The following ARMC2 variants were observed in gnomAD, a reference collection of about 807,000 sequenced individuals.
ARMC2 encodes the protein armadillo repeat-containing protein 2.
ARMC2 carries 67 observed loss-of-function variants against 90.3 expected under a neutral mutation model. That is an observed-to-expected ratio of 0.74 (90% CI 0.61 to 0.91). ARMC2 has a LOEUF of 0.91. Ranked by LOEUF, ARMC2 falls within the 40% of genes least tolerant of loss-of-function variation. The pLI is 0.00. For synonymous variants in ARMC2, 393 were observed against 393.0 expected (o/e 1.00, Z 0.00); for missense variants, 920 against 1,030.9 (o/e 0.89, Z 1.47).
the ARMC2 span, among the ~76,000 whole-genome samples, chr6:108,980,647 T>C: frequency 1.3e-5 from 2 of 152,150 alleles, no homozygotes; most frequent in Non-Finnish European, 2.9e-5. Context: ...ATGGGGGTTT[T>C]ATCTATTAGT....
the ARMC2 span, among the ~76,000 whole-genome samples, chr6:109,013,987 T>A: frequency 6.6e-6 from 1 of 152,040 alleles, no homozygotes; most frequent in Non-Finnish European, 1.5e-5. Context: ...TTTAAACTGA[T>A]CCTCTTATTT....
At chr6:108,939,956 C>G (rs1776296878) in intron 12 of ARMC2, among the ~76,000 whole-genome samples, 1 of 152,180 alleles carries the variant, frequency 6.6e-6, no homozygotes, top group South Asian at 2.1e-4. Flanking sequence ...GACTGTTTGT[C>G]CCACATGTGA....
chr6:109,045,370 CTT>C, the ARMC2 span, among the ~76,000 whole-genome samples: 1 of 152,206 alleles, frequency 6.6e-6, no homozygotes, highest in African/African-American at 2.4e-5. Context: ...CTGGAGAAGT[CTT>C]TCCAAAATGC....
intron 10 of ARMC2, among the ~76,000 whole-genome samples, chr6:108,921,325 T>C (rs1234861524): frequency 6.6e-6 from 1 of 152,150 alleles, no homozygotes; most frequent in Non-Finnish European, 1.5e-5. Context: ...AAATGTTAAA[T>C]AGAGTCTCAA....
chr6:108,902,462 G>A (rs1478164039), intron 7 of ARMC2, among the ~76,000 whole-genome samples: 3 of 152,196 alleles, frequency 2.0e-5, no homozygotes, highest in African/African-American at 4.8e-5. Flanking sequence ...CTTAGGGTTT[G>A]TAAAGAAACT....
chr6:108,863,036 A>G (rs1197333053), intron 3 of ARMC2, among the ~76,000 whole-genome samples: 3 of 152,216 alleles, frequency 2.0e-5, no homozygotes, highest in Admixed American at 6.5e-5. Flanking sequence ...GAGAAGAGGA[A>G]GAGCTGACGC....
chr6:109,048,153 AAC>A, the ARMC2 span, among the ~76,000 whole-genome samples: 2 of 152,302 alleles, frequency 1.3e-5, no homozygotes, highest in Admixed American at 1.3e-4. Context: ...CATTCACTGA[AAC>A]AGTGACAAGA....
At chr6:108,965,993 G>A (rs977995042) in intron 17 of ARMC2, among the ~76,000 whole-genome samples, 2 of 149,976 alleles carry the variant, frequency 1.3e-5, no homozygotes, top group African/African-American at 4.9e-5. Flanking sequence ...ATAATTTTAG[G>A]ATAATTTTTT....
At chr6:108,993,902 G>C in the ARMC2 span, among the ~76,000 whole-genome samples, 1 of 151,894 alleles carries the variant, frequency 6.6e-6, no homozygotes, top group Non-Finnish European at 1.5e-5. Context: ...TTTAACTCTA[G>C]AAGCAATCTT....
At chr6:108,987,074 G>A in the ARMC2 span, 1 of 153,232 alleles carries the variant, frequency 6.5e-6, no homozygotes, top group Non-Finnish European at 1.5e-5. Flanking sequence ...TAGTAGCAAT[G>A]TTCACTTTTA....
At chr6:108,985,227 T>TTAGA in the ARMC2 span, among the ~76,000 whole-genome samples, 19 of 152,188 alleles carry the variant, frequency 1.2e-4, no homozygotes, top group African/African-American at 4.3e-4. Flanking sequence ...AAAATCAATC[T>TTAGA]CATTCTTAGA....
At chr6:108,964,075 C>T (rs149673276) in intron 15 of ARMC2, 105 bp from the exon 16 acceptor site, 17,536 of 1,270,986 alleles carry the variant, frequency 0.014, 142 homozygotes, top group Non-Finnish European at 0.017. Context: ...AACAGGGGTT[C>T]TGGGTTTGCA....
chr6:108,905,548 A>G (rs185563094), intron 8 of ARMC2, among the ~76,000 whole-genome samples: 9 of 152,140 alleles, frequency 5.9e-5, no homozygotes, highest in Non-Finnish European at 8.8e-5. Context: ...GAAAAAAAAA[A>G]AAAGAAAGAA....
the ARMC2 span, among the ~76,000 whole-genome samples, chr6:109,024,805 C>T: frequency 6.6e-6 from 1 of 152,184 alleles, no homozygotes; most frequent in Non-Finnish European, 1.5e-5. Context: ...TTGTGAGTAT[C>T]GTACTACTTT....
At chr6:108,862,233 A>G (rs1271111302) in intron 3 of ARMC2, among the ~76,000 whole-genome samples, 2 of 150,070 alleles carry the variant, frequency 1.3e-5, no homozygotes, top group Non-Finnish European at 3.0e-5. Context: ...AACCCCAGCT[A>G]CTCTGGAGGC....
chr6:109,018,787 T>C, the ARMC2 span, among the ~76,000 whole-genome samples: 1 of 152,230 alleles, frequency 6.6e-6, no homozygotes, highest in Non-Finnish European at 1.5e-5. Flanking sequence ...CTCAAAACCA[T>C]TTATCTAAGT....
intron 10 of ARMC2, among the ~76,000 whole-genome samples, chr6:108,922,186 A>G (rs1365885364): frequency 1.3e-5 from 2 of 152,334 alleles, no homozygotes; most frequent in African/African-American, 4.8e-5. Flanking sequence ...CCACTGCAGT[A>G]GAGAACGCAG....
chr6:108,926,784 T>C (rs564614969), intron 10 of ARMC2, among the ~76,000 whole-genome samples: 2 of 152,250 alleles, frequency 1.3e-5, no homozygotes, highest in South Asian at 4.1e-4. Flanking sequence ...ATTGTTTAGA[T>C]CTATGGAGTT....
the ARMC2 span, among the ~76,000 whole-genome samples, chr6:109,020,994 G>A: frequency 1.4e-4 from 22 of 152,140 alleles, no homozygotes; most frequent in Non-Finnish European, 2.8e-4. Flanking sequence ...ACCATTTTAG[G>A]AGACACTTTA....
Sources: gnomAD v4.1 joint callset for allele counts (sites outside exome capture counted in the v4.1 genomes callset) on GRCh38, gnomAD v4.1.1 for gene constraint, MANE v1.5 for transcripts, NCBI Gene and HGNC (gene_info 2026-07-23, HGNC 2026-07-21) for gene names.